RABGAP1: variants seen among roughly 807,000 people sequenced by gnomAD.
RABGAP1 encodes rab GTPase-activating protein 1.
In RABGAP1, 23 loss-of-function variants were observed where a neutral mutation model predicts 137.6. The ratio of observed to expected loss-of-function variants is 0.17; its 90% CI spans 0.12 to 0.24. The LOEUF is 0.24. Among genes scored for constraint, RABGAP1 ranks in the 10% least tolerant of loss-of-function variants. The pLI is 1.00. For missense variants in RABGAP1, 906 were observed against 1,275.8 expected (o/e 0.71, Z 4.42); for synonymous variants, 451 against 450.7 (o/e 1.00, Z -0.01).
chr9:123,030,610 A>G (rs1481372967), intron 13 of RABGAP1, among the ~76,000 whole-genome samples: 2 of 152,190 alleles, frequency 1.3e-5, no homozygotes, highest in South Asian at 2.1e-4. Context: ...TGATACATAT[A>G]GTATATACTG....
rs59639446 is a variant in RABGAP1 at position 123,047,919 on chromosome 9, G to GTTTTTTTTTTTTT, written c.1795-17405_1795-17393dup. ...TATCTAGCCATTTTACAGCTGCTGG[G>GTTTTTTTTTTTTT]TTTTTTTTTTTTTTTTTTTTTTTTT... On this transcript the variant is annotated intron_variant, in intron 13 of 25. Coordinates refer to ENST00000373647, the MANE Select transcript of RABGAP1 (RefSeq NM_012197.4). Among the ~76,000 whole-genome samples the GTTTTTTTTTTTTT allele has an allele frequency of 4.7e-4, 29 of 62,282 alleles. 8 individuals are homozygous for GTTTTTTTTTTTTT. The highest frequency in any genetic ancestry group is 8.6e-4 in the Non-Finnish European group (24 of 28,026). The allele number at this position is 62,282 out of a possible 152,430, so 40.9% of individuals were successfully genotyped here. A position where few individuals can be genotyped will look rare whatever the true frequency, so the allele number is the denominator to read the frequency against.
At chr9:123,034,664 T>C in intron 13 of RABGAP1, 1 of 1,613,266 alleles carries the variant, frequency 6.2e-7, no homozygotes, top group Non-Finnish European at 8.5e-7. Flanking sequence ...TTGGAAGTAT[T>C]GATTATTGTC....
At chr9:123,069,134 AT>A (rs1162471188) in intron 14 of RABGAP1, among the ~76,000 whole-genome samples, 7 of 152,250 alleles carry the variant, frequency 4.6e-5, no homozygotes, top group Admixed American at 2.0e-4. Flanking sequence ...TCAATATTCT[AT>A]TCAAAATAAT....
intron 1 of RABGAP1, among the ~76,000 whole-genome samples, chr9:122,943,593 T>C (rs958657753): frequency 3.3e-5 from 5 of 152,218 alleles, no homozygotes; most frequent in Non-Finnish European, 7.3e-5. Flanking sequence ...TTATGCACTT[T>C]ATCTACATGA....
chr9:122,943,781 G>A (rs1306183821), intron 1 of RABGAP1, among the ~76,000 whole-genome samples: 3 of 152,112 alleles, frequency 2.0e-5, no homozygotes, highest in South Asian at 2.1e-4. Flanking sequence ...GTGAAACCCC[G>A]TCTCTACTAA....
At chr9:123,076,497 G>A in intron 18 of RABGAP1, 137 bp from the exon 19 acceptor site, 1 of 1,089,452 alleles carries the variant, frequency 9.2e-7, no homozygotes, top group South Asian at 1.7e-5. Context: ...GTGGATGTAT[G>A]CAGGTGGCTC....
At chr9:123,005,610 A>G (rs1353120482) in intron 10 of RABGAP1, among the ~76,000 whole-genome samples, 1 of 152,168 alleles carries the variant, frequency 6.6e-6, no homozygotes, top group African/African-American at 2.4e-5. Flanking sequence ...TTTAATGGCT[A>G]TTTAGTACTG....
intron 16 of RABGAP1, 36 bp from the exon 17 acceptor site, chr9:123,074,249 C>A (rs1170555316): frequency 6.2e-7 from 1 of 1,611,600 alleles, no homozygotes; most frequent in Non-Finnish European, 8.5e-7. Context: ...TGGACAGATG[C>A]ATATGTGCCC....
intron 13 of RABGAP1, among the ~76,000 whole-genome samples, chr9:123,043,453 AG>A (rs1341127139): frequency 6.6e-6 from 1 of 152,218 alleles, no homozygotes; most frequent in Non-Finnish European, 1.5e-5. Flanking sequence ...ATAGATACAT[AG>A]AAAACCAAGG....
intron 1 of RABGAP1, among the ~76,000 whole-genome samples, chr9:122,944,845 A>G (rs1833852671): frequency 6.6e-6 from 1 of 151,982 alleles, no homozygotes; most frequent in East Asian, 1.9e-4. Context: ...CCAAAATGAT[A>G]GGATTACAAG....
intron 2 of RABGAP1, among the ~76,000 whole-genome samples, chr9:122,970,538 G>A (rs1457376404): frequency 6.6e-6 from 1 of 152,040 alleles, no homozygotes; most frequent in African/African-American, 2.4e-5. Context: ...CTGAGGTTTG[G>A]GGTACAATTA....
chr9:123,020,590 C>A, intron 13 of RABGAP1, 131 bp downstream of exon 13: 1 of 960,616 alleles, frequency 1.0e-6, no homozygotes, highest in Non-Finnish European at 1.4e-6. Flanking sequence ...TTAATACTTC[C>A]AGCTCTAACA....
intron 15 of RABGAP1, among the ~76,000 whole-genome samples, chr9:123,072,360 G>T (rs571725853): frequency 1.3e-5 from 2 of 152,110 alleles, no homozygotes; most frequent in African/African-American, 2.4e-5. Flanking sequence ...GAATAAAGAG[G>T]TTGACTTTTT....
intron 6 of RABGAP1, among the ~76,000 whole-genome samples, chr9:122,995,487 AG>A (rs1247496468): frequency 6.6e-6 from 1 of 152,004 alleles, no homozygotes; most frequent in Non-Finnish European, 1.5e-5. Flanking sequence ...GAGAAAATTA[AG>A]GTTATGTTTT....
chr9:122,957,199 C>T lies in RABGAP1; in HGVS notation c.140C>T (p.Thr47Ile). The change falls in exon 2 of 26, where the codon ACA becomes ATA. Residue 47 changes from threonine (T) to isoleucine (I), a missense_variant. Physicochemically the swap from Thr to Ile is moderately conservative, Grantham distance 89. Coordinates refer to ENST00000373647, the MANE Select transcript of RABGAP1 (RefSeq NM_012197.4). Reference protein sequence around the residue: ...STNNGSDDEKTGLKIVGNGSE... With the variant: ...STNNGSDDEKIGLKIVGNGSE... ...AATAATGGAAGTGATGATGAGAAAA[C>T]AGGACTCAAGGTAAAACTCCCTAAC... 6.5e-7 allele frequency: 1 copy of T among 1,533,188 alleles called. No homozygotes were observed. Among genetic ancestry groups the T allele is most frequent in the Non-Finnish European group, 8.9e-7 (1 of 1,125,466 alleles). The allele number at this position is 1,533,188 out of a possible 1,614,324, so 95.0% of individuals were successfully genotyped here.
chr9:123,019,018 G>A (rs1170959709), intron 12 of RABGAP1, among the ~76,000 whole-genome samples: 1 of 152,176 alleles, frequency 6.6e-6, no homozygotes, highest in East Asian at 1.9e-4. Flanking sequence ...TTCTGCATCT[G>A]TAAAACTAGA....
chr9:122,958,267 C>A (rs945667939), intron 2 of RABGAP1, among the ~76,000 whole-genome samples: 1 of 152,188 alleles, frequency 6.6e-6, no homozygotes, highest in Non-Finnish European at 1.5e-5. Flanking sequence ...CCTCCAGGAG[C>A]CTGTGCGAAG....
intron 13 of RABGAP1, among the ~76,000 whole-genome samples, chr9:123,039,131 A>T (rs1455324635): frequency 1.3e-5 from 2 of 152,212 alleles, no homozygotes; most frequent in Non-Finnish European, 2.9e-5. Context: ...TAAGGAAGCC[A>T]TACATCATGA....
intron 13 of RABGAP1, among the ~76,000 whole-genome samples, chr9:123,052,805 TGGTG>T (rs2033543181): frequency 1.3e-5 from 2 of 152,196 alleles, no homozygotes; most frequent in Non-Finnish European, 2.9e-5. Context: ...CTGGGCATGA[TGGTG>T]CACGCCTGTA....
Sources: allele counts gnomAD v4.1 joint callset (sites outside exome capture counted in the v4.1 genomes callset), GRCh38; gene constraint gnomAD v4.1.1; transcripts MANE v1.5; gene names NCBI Gene and HGNC (gene_info 2026-07-23, HGNC 2026-07-21).